The following PTPN13 variants were observed in gnomAD, a reference collection of about 807,000 sequenced individuals.
PTPN13 encodes tyrosine-protein phosphatase non-receptor type 13.
A neutral mutation model predicts 284.0 loss-of-function variants in PTPN13; 191 were observed. The ratio of observed to expected loss-of-function variants is 0.67; its 90% CI spans 0.60 to 0.76. PTPN13 has a LOEUF of 0.76. PTPN13 is among the 30% of genes least tolerant of loss of function. PTPN13 has a pLI of 0.00. For missense variants in PTPN13, 2,797 were observed against 2,939.9 expected, an observed-to-expected ratio of 0.95 and a Z score of 1.12; for synonymous variants, 986 against 1,022.3, an observed-to-expected ratio of 0.96 and a Z score of 0.68.
At chr4:86,682,519 A>T (rs1206376503) in intron 3 of PTPN13, among the ~76,000 whole-genome samples, 1 of 150,802 alleles carries the variant, frequency 6.6e-6, no homozygotes, top group African/African-American at 2.4e-5. Flanking sequence ...TGGATTGTGG[A>T]TTCCTCTTTT....
At chr4:86,602,265 A>G (rs1455912654) in intron 1 of PTPN13, among the ~76,000 whole-genome samples, 2 of 152,182 alleles carry the variant, frequency 1.3e-5, no homozygotes, top group African/African-American at 4.8e-5. Flanking sequence ...TCTATGGTTT[A>G]CAAGCTCTGT....
At chr4:86,640,493 G>A (rs1270289880) in intron 2 of PTPN13, among the ~76,000 whole-genome samples, 1 of 152,142 alleles carries the variant, frequency 6.6e-6, no homozygotes, top group Non-Finnish European at 1.5e-5. Context: ...ATAAGTAGGT[G>A]TCACTTTTGC....
intron 10 of PTPN13, among the ~76,000 whole-genome samples, chr4:86,724,514 A>G (rs990641266): frequency 1.3e-5 from 2 of 152,162 alleles, no homozygotes; most frequent in African/African-American, 2.4e-5. Flanking sequence ...GTCAATTTCT[A>G]GCTATTTCAA....
chr4:86,666,556 C>A (rs1727100916), intron 2 of PTPN13, among the ~76,000 whole-genome samples: 1 of 152,046 alleles, frequency 6.6e-6, no homozygotes, highest in African/African-American at 2.4e-5. Flanking sequence ...AATTTGTATC[C>A]TTAAACCACT....
intron 7 of PTPN13, among the ~76,000 whole-genome samples, chr4:86,704,004 C>T (rs1440015641): frequency 2.7e-5 from 4 of 150,936 alleles, no homozygotes; most frequent in Admixed American, 2.6e-4. Context: ...GAAACCCCGT[C>T]TTTACTGAAA....
chr4:86,753,113 C>A, intron 20 of PTPN13, 48 bp downstream of exon 20: 1 of 1,421,090 alleles, frequency 7.0e-7, no homozygotes, highest in Non-Finnish European at 9.9e-7. Context: ...TTTCTTGTAC[C>A]TTACTGAGAT....
chr4:86,650,471 G>A (rs1302928327), intron 2 of PTPN13, among the ~76,000 whole-genome samples: 2 of 152,010 alleles, frequency 1.3e-5, no homozygotes, highest in Non-Finnish European at 2.9e-5. Context: ...GTCATGCTTG[G>A]CTAATTTTTA....
chr4:86,805,683 T>C (rs1744573348), intron 44 of PTPN13, among the ~76,000 whole-genome samples: 1 of 152,216 alleles, frequency 6.6e-6, no homozygotes, highest in African/African-American at 2.4e-5. Context: ...AAATAGGAAC[T>C]GGCTTCTGGA....
intron 1 of PTPN13, among the ~76,000 whole-genome samples, chr4:86,624,526 T>C (rs1721614877): frequency 6.6e-6 from 1 of 152,194 alleles, no homozygotes; most frequent in African/African-American, 2.4e-5. Context: ...TTAGTTCAGT[T>C]GCTAAAATCA....
chr4:86,688,304 C>T (rs144853822), intron 4 of PTPN13, among the ~76,000 whole-genome samples: 2 of 152,234 alleles, frequency 1.3e-5, no homozygotes, highest in African/African-American at 2.4e-5. Flanking sequence ...TGCTCCACTC[C>T]TTACCAATTC....
At chr4:86,717,924 C>T (rs975321753) in intron 9 of PTPN13, among the ~76,000 whole-genome samples, 1 of 151,690 alleles carries the variant, frequency 6.6e-6, no homozygotes, top group Admixed American at 6.6e-5. Context: ...TTTTTAAAGC[C>T]TGATTTAGGC....
At chr4:86,646,981 A>G (rs1724515648) in intron 2 of PTPN13, among the ~76,000 whole-genome samples, 1 of 152,236 alleles carries the variant, frequency 6.6e-6, no homozygotes, top group Non-Finnish European at 1.5e-5. Context: ...TACATTCTAT[A>G]TGATTCTAAT....
rs1361405368 is a variant in PTPN13 at position 86,734,812 on chromosome 4, T to C, written c.2088T>C (p.Asp696=). Reference sequence around the variant, plus strand: ...TGGAGGAAAGGATGCACTGTGATGATGAGACTTCCTTATTGCTGGCATCCT... The same window carrying C: ...TGGAGGAAAGGATGCACTGTGATGACGAGACTTCCTTATTGCTGGCATCCT... ...DILEERMHCD[D]ETSLLLASLA... is the part of the protein sequence containing the mutation. The change falls in exon 14 of 48, where the codon GAT becomes GAC. Residue 696 remains aspartate (D), a synonymous_variant. Coordinates refer to ENST00000411767, the MANE Select transcript of PTPN13 (RefSeq NM_080683.3). 2 of 1,613,140 alleles carry C rather than the reference T, an allele frequency of 1.2e-6. No individual in the cohort carries two copies. The highest frequency in any genetic ancestry group is 2.2e-5 in the South Asian group (2 of 91,010).
At chr4:86,657,075 A>G (rs1170453934) in intron 2 of PTPN13, among the ~76,000 whole-genome samples, 1 of 152,226 alleles carries the variant, frequency 6.6e-6, no homozygotes, top group African/African-American at 2.4e-5. Flanking sequence ...CCGTTGGAAA[A>G]GTGCAGTATT....
At chr4:86,737,274 A>T (rs931430297) in intron 15 of PTPN13, among the ~76,000 whole-genome samples, 3 of 151,648 alleles carry the variant, frequency 2.0e-5, no homozygotes, top group South Asian at 2.1e-4. Context: ...AAAATAAAAT[A>T]AAAGTAAAAA....
intron 2 of PTPN13, among the ~76,000 whole-genome samples, chr4:86,653,011 G>A (rs1028364116): frequency 1.3e-5 from 2 of 151,544 alleles, no homozygotes; most frequent in Non-Finnish European, 2.9e-5. Flanking sequence ...CCTTCTGCTT[G>A]ATCAGTTCTG....
At position 86,750,728 on chromosome 4, in the gene PTPN13, AC is replaced by A; in HGVS notation, c.2911del (p.His971MetfsTer48). 1 of 1,613,744 alleles carries A rather than the reference AC, an allele frequency of 6.2e-7. No homozygotes were observed. Among genetic ancestry groups the A allele is most frequent in the Non-Finnish European group, 8.5e-7 (1 of 1,179,762 alleles). On this transcript the variant is annotated frameshift_variant, in exon 18 of 48. Coordinates refer to ENST00000411767, the MANE Select transcript of PTPN13 (RefSeq NM_080683.3). LOFTEE classifies it high-confidence loss of function. ...AAGCCTAGAGAGATGAGTAAATCAT[AC>A]CATGATCTCAGTCAGGCCTCTCTCT... is the stretch of plus-strand genomic sequence containing the variant. ...EEKPREMSKS[Y>X]HDLSQASLYP... is the part of the protein sequence containing the mutation.
chr4:86,803,253 T>TAC (rs552388938), intron 42 of PTPN13, among the ~76,000 whole-genome samples: 75 of 150,238 alleles, frequency 5.0e-4, no homozygotes, highest in African/African-American at 1.7e-3. Flanking sequence ...ATATAGAATA[T>TAC]ACACACACAC....
intron 2 of PTPN13, among the ~76,000 whole-genome samples, chr4:86,658,099 G>A (rs552396622): frequency 2.6e-5 from 4 of 152,338 alleles, no homozygotes; most frequent in South Asian, 2.1e-4. Flanking sequence ...TGGTGGGGAA[G>A]CCCCACTGGC....
Sources: allele counts gnomAD v4.1 joint callset (sites outside exome capture counted in the v4.1 genomes callset), GRCh38; gene constraint gnomAD v4.1.1; transcripts MANE v1.5; gene names NCBI Gene and HGNC (gene_info 2026-07-23, HGNC 2026-07-21).